SYT4: variants seen among roughly 807,000 people sequenced by gnomAD.
The protein encoded by SYT4 is synaptotagmin 4.
SYT4 carries 7 observed loss-of-function variants against 32.9 expected under a neutral mutation model. The ratio of observed to expected loss-of-function variants is 0.21; its 90% CI spans 0.12 to 0.40. The LOEUF (loss-of-function observed/expected upper bound fraction) is 0.40, where lower values mean the gene tolerates loss of function less well. SYT4 is among the 10% of genes least tolerant of loss of function. SYT4 has a pLI of 1.00. For synonymous variants in SYT4, 205 were observed against 186.2 expected (o/e 1.10, Z -0.82); for missense variants, 480 against 488.0 (o/e 0.98, Z 0.16).
chr18:43,271,637 G>A (rs2144365557), intron 3 of SYT4, 75 bp downstream of exon 3: 1 of 1,578,412 alleles, frequency 6.3e-7, no homozygotes. Context: ...AGAAGAGTAA[G>A]AGTAGGTGGG....
chr18:43,267,984 C>T lies in SYT4; in HGVS notation c.*2357G>A, dbSNP rs1427383871. 6.6e-6 allele frequency: 1 copy of T among 152,246 alleles called. No individual in the cohort carries two copies. The highest frequency in any genetic ancestry group is 2.4e-5 in the African/African-American group (1 of 41,458). The allele number at this position is 152,246 out of a possible 1,614,324, so 9.4% of individuals were successfully genotyped here. A position where few individuals can be genotyped will look rare whatever the true frequency, so the allele number is the denominator to read the frequency against. On this transcript the variant is annotated 3_prime_UTR_variant, in exon 4 of 4. Transcript: ENST00000255224. ...ACAAAAGAACAGACACTGTCTCACA[C>T]ACCATGCTTCCTTCCAAAACACTTC...
At position 43,269,820 on chromosome 18, in the gene SYT4, A is replaced by G. The variant is rs1908569526; in HGVS notation, c.*521T>C. ...AATAATTACAAACCAAACTGAAATG[A>G]CCAGATACTTTTATATGCAGGACAA... On this transcript the variant is annotated 3_prime_UTR_variant, in exon 4 of 4. Coordinates refer to ENST00000255224, the MANE Select transcript of SYT4 (RefSeq NM_020783.4). 1 of 154,668 alleles carries G rather than the reference A, an allele frequency of 6.5e-6. No homozygotes were observed. The highest frequency in any genetic ancestry group is 1.4e-5 in the Non-Finnish European group (1 of 69,394). 9.6% of individuals were successfully genotyped at this position (154,668 alleles called of 1,614,324 possible).
chr18:43,272,903 G>T (rs557898344), intron 2 of SYT4, among the ~76,000 whole-genome samples: 2 of 152,224 alleles, frequency 1.3e-5, no homozygotes, highest in East Asian at 3.9e-4. Context: ...ATAAATCATT[G>T]TATTATAGAG....
In SYT4 at chr18:43,269,188, G is replaced by T. The variant is rs1270671667; in HGVS notation, c.*1153C>A. The stretch of plus-strand genomic sequence containing the variant: ...AAGACAAATTAGCCTAGAAAAGATA[G>T]TGAAACACATTCTTTGTTGTGCTAA... On this transcript the variant is annotated 3_prime_UTR_variant, in exon 4 of 4. Coordinates refer to ENST00000255224, the MANE Select transcript of SYT4 (RefSeq NM_020783.4). 1 of 152,198 alleles carries T rather than the reference G, an allele frequency of 6.6e-6. No individual in the cohort carries two copies. The highest frequency in any genetic ancestry group is 1.5e-5 in the Non-Finnish European group (1 of 68,040). The allele number at this position is 152,198 out of a possible 1,614,324, so 9.4% of individuals were successfully genotyped here.
chr18:43,273,473 G>A (rs1908691856), intron 2 of SYT4, 107 bp downstream of exon 2: 2 of 679,902 alleles, frequency 2.9e-6, no homozygotes, highest in South Asian at 2.1e-5. Flanking sequence ...ATTAAACATG[G>A]TAAGGATGAT....
At chr18:43,272,013 C>T (rs1360342204) in intron 2 of SYT4, 181 bp from the exon 3 acceptor site, 2 of 506,458 alleles carry the variant, frequency 3.9e-6, no homozygotes, top group African/African-American at 2.0e-5. Context: ...CTTGAAAAAC[C>T]ACTGCCTGCC....
intron 1 of SYT4, 71 bp from the exon 2 acceptor site, chr18:43,274,465 T>A: frequency 1.6e-6 from 2 of 1,243,880 alleles, no homozygotes; most frequent in Non-Finnish European, 2.2e-6. Flanking sequence ...TTGAAAAGCC[T>A]AATAGAGCTA....
intron 3 of SYT4, 131 bp downstream of exon 3, chr18:43,271,580 TA>T: frequency 1.6e-6 from 2 of 1,251,932 alleles, no homozygotes; most frequent in Non-Finnish European, 2.1e-6. Context: ...GTCATAAAAC[TA>T]AAAGCTAACT....
At chr18:43,274,556 C>T (rs16977448) in intron 1 of SYT4, among the ~76,000 whole-genome samples, 162 bp from the exon 2 acceptor site, 3,675 of 152,202 alleles carry the variant, frequency 0.024, 151 homozygotes, top group African/African-American at 0.083. Context: ...ACACTAACTT[C>T]GGGTACAAAT....
At position 43,273,713 on chromosome 18, in the gene SYT4, T is replaced by C. The variant is rs764911645; in HGVS notation, c.716A>G (p.His239Arg). 2.5e-6 allele frequency: 4 copies of C among 1,614,014 alleles called. No homozygotes were observed. The highest frequency in any genetic ancestry group is 3.4e-6 in the Non-Finnish European group (4 of 1,179,908). ...CCTGTCAAAACTCAAAATTGTGAAGTGCAAGGCCAATTCTTGGATTTGGGT... is the reference window on the plus strand; with the variant it reads ...CCTGTCAAAACTCAAAATTGTGAAGCGCAAGGCCAATTCTTGGATTTGGGT... ...PYTQIQELALHFTILSFDRFS... is the reference protein window; with the variant it reads ...PYTQIQELALRFTILSFDRFS... Residue 239 changes from histidine (H) to arginine (R), a missense_variant, in exon 2 of 4, where the codon CAC (histidine) becomes CGC (arginine). Coordinates refer to ENST00000255224, the MANE Select transcript of SYT4 (RefSeq NM_020783.4).
rs1311859560 is a variant in SYT4 at position 43,277,433 on chromosome 18, G to A, written c.-152C>T. The A allele has an allele frequency of 3.7e-6, 3 of 804,498 alleles. No homozygotes were observed. The highest frequency in any genetic ancestry group is 5.3e-5 in the East Asian group (2 of 37,766). The allele number at this position is 804,498 out of a possible 1,614,324, so 49.8% of individuals were successfully genotyped here. A position where few individuals can be genotyped will look rare whatever the true frequency, so the allele number is the denominator to read the frequency against. On this transcript the variant is annotated 5_prime_UTR_variant, in exon 1 of 4. Coordinates refer to ENST00000255224, the MANE Select transcript of SYT4 (RefSeq NM_020783.4). ...CTGGAACAGGGAGGAGGCAAAGAGGGAGGTCCACTCGCCCTCGCACAGTGA... is the reference window on the plus strand; with the variant it reads ...CTGGAACAGGGAGGAGGCAAAGAGGAAGGTCCACTCGCCCTCGCACAGTGA...
In SYT4 at chr18:43,277,468, T is replaced by C; in HGVS notation, c.-187A>G. ...CGCCCTCGCACAGTGATTTGCCACC[T>C]CGGTTCCTGTTTTGGCTCTTCTGAG... is the stretch of plus-strand genomic sequence containing the variant. On this transcript the variant is annotated 5_prime_UTR_variant, in exon 1 of 4. Transcript: ENST00000255224. 1.6e-6 allele frequency: 1 copy of C among 618,480 alleles called. No homozygotes were observed. The highest frequency in any genetic ancestry group is 3.1e-5 in the Admixed American group (1 of 32,498). The allele number at this position is 618,480 out of a possible 1,614,324, so 38.3% of individuals were successfully genotyped here.
At chr18:43,276,271 C>A in intron 1 of SYT4, among the ~76,000 whole-genome samples, 1 of 152,046 alleles carries the variant, frequency 6.6e-6, no homozygotes, top group Non-Finnish European at 1.5e-5. Flanking sequence ...TTATCTACTC[C>A]CTATGTATTC....
At position 43,274,300 on chromosome 18, in the gene SYT4, G is replaced by A. The variant is rs756696642; in HGVS notation, c.129C>T (p.Ser43=). Residue 43 remains serine (S), a synonymous_variant, in exon 2 of 4, where the codon TCC becomes TCT. Transcript: ENST00000255224. ...FAWICCQRKS[S]KSNKTPPYKF... The stretch of plus-strand genomic sequence containing the variant: ...TGTATGGAGGAGTCTTGTTAGACTT[G>A]GATGATTTTCTCTGACAGCAGATCC... 71 of 1,613,660 alleles carry A rather than the reference G, an allele frequency of 4.4e-5. No homozygotes were observed. The highest frequency in any genetic ancestry group is 2.2e-5 in the Non-Finnish European group (26 of 1,179,896).
rs908739029 is a variant in SYT4, at chr18:43,277,374, G to A, written c.-93C>T. 4.2e-5 allele frequency: 63 copies of A among 1,502,072 alleles called. No individual in the cohort carries two copies. The African/African-American group carries it at 8.1e-4, about 19-fold the overall frequency. 93.0% of individuals were successfully genotyped at this position (1,502,072 alleles called of 1,614,324 possible). On this transcript the variant is annotated 5_prime_UTR_variant, in exon 1 of 4. Transcript: ENST00000255224. ...CTCAAGCGCCGGCTTTCGGAGCGCT[G>A]AAAACAACAGCGCAGAGCCCAGGGC... is the stretch of plus-strand genomic sequence containing the variant.
At position 43,268,134 on chromosome 18, in the gene SYT4, A is replaced by G. The variant is rs1908510155; in HGVS notation, c.*2207T>C. The G allele has an allele frequency of 6.6e-6, 1 of 152,612 alleles. No individual in the cohort carries two copies. Among genetic ancestry groups the G allele is most frequent in the South Asian group, 2.1e-4 (1 of 4,834 alleles). 9.5% of individuals were successfully genotyped at this position (152,612 alleles called of 1,614,324 possible). On this transcript the variant is annotated 3_prime_UTR_variant, in exon 4 of 4. Transcript: ENST00000255224. ...AACAATTAATTTACATGTTTAATACAGTGCAGGATTTGTAACAGGATTCAA... is the reference window on the plus strand; with the variant it reads ...AACAATTAATTTACATGTTTAATACGGTGCAGGATTTGTAACAGGATTCAA...
intron 1 of SYT4, among the ~76,000 whole-genome samples, chr18:43,276,481 C>T (rs1169890151): frequency 6.6e-6 from 1 of 152,104 alleles, no homozygotes; most frequent in African/African-American, 2.4e-5. Flanking sequence ...TACTTTTTTA[C>T]TCTATGAAGT....
At chr18:43,272,563 C>A (rs1164514263) in intron 2 of SYT4, among the ~76,000 whole-genome samples, 1 of 152,144 alleles carries the variant, frequency 6.6e-6, no homozygotes, top group African/African-American at 2.4e-5. Context: ...AAAGTTTTGA[C>A]TGAAAGTAAC....
chr18:43,277,161 A>G, intron 1 of SYT4, 87 bp downstream of exon 1: 3 of 1,551,122 alleles, frequency 1.9e-6, no homozygotes, highest in Non-Finnish European at 2.6e-6. Flanking sequence ...TCTGTATTCA[A>G]CAACCGGGCA....
Sources: gnomAD v4.1 joint callset for allele counts (sites outside exome capture counted in the v4.1 genomes callset) on GRCh38, gnomAD v4.1.1 for gene constraint, MANE v1.5 for transcripts, NCBI Gene and HGNC (gene_info 2026-07-23, HGNC 2026-07-21) for gene names.